The following POLD4 variants were observed in gnomAD, a reference collection of about 807,000 sequenced individuals.
POLD4 encodes the protein DNA polymerase delta 4, accessory subunit, also known as DNA polymerase delta subunit 4.
POLD4 carries 9 observed loss-of-function variants against 16.5 expected under a neutral mutation model. The observed-to-expected ratio is 0.55, with a 90% confidence interval of 0.33 to 0.95. The LOEUF is 0.95. Ranked by LOEUF, POLD4 falls within the 40% of genes least tolerant of loss-of-function variation. The pLI is 0.03. For missense variants in POLD4, 129 were observed against 139.7 expected (o/e 0.92, Z 0.39); for synonymous variants, 62 against 57.6 (o/e 1.08, Z -0.35).
intron 3 of POLD4, chr11:67,352,458 C>T (rs1201702940): frequency 4.4e-6 from 2 of 450,514 alleles, no homozygotes; most frequent in Non-Finnish European, 8.0e-6. Flanking sequence ...TGCAGTGAGC[C>T]GAGATCGCGC....
chr11:67,353,143 T>A, intron 1 of POLD4, 66 bp from the exon 2 acceptor site: 2 of 1,513,380 alleles, frequency 1.3e-6, no homozygotes, highest in Non-Finnish European at 1.8e-6. Flanking sequence ...CTCCCAGCCT[T>A]CCTCACCACC....
At chr11:67,352,886 C>G in intron 2 of POLD4, 84 bp from the exon 3 acceptor site, 1 of 1,372,174 alleles carries the variant, frequency 7.3e-7, no homozygotes, top group Non-Finnish European at 1.0e-6. Flanking sequence ...TGGGGGGAGA[C>G]AGTTCCTGAG....
intron 1 of POLD4, 44 bp from the exon 2 acceptor site, chr11:67,353,121 C>T (rs754055454): frequency 1.9e-5 from 29 of 1,541,770 alleles, no homozygotes; most frequent in Non-Finnish European, 2.5e-5. Flanking sequence ...GCTTCAGTCT[C>T]CTGCCCCTCA....
chr11:67,352,050 C>A, intron 3 of POLD4, 31 bp from the exon 4 acceptor site: 2 of 1,259,164 alleles, frequency 1.6e-6, no homozygotes, highest in Middle Eastern at 2.1e-4. Context: ...GGGAGGGATA[C>A]CCCAGAGAGA....
intron 2 of POLD4, 26 bp from the exon 3 acceptor site, chr11:67,352,828 G>T: frequency 6.4e-7 from 1 of 1,573,842 alleles, no homozygotes. Context: ...GAAGACTCTG[G>T]AGACTTGTGG....
chr11:67,352,884 G>T, intron 2 of POLD4, 82 bp from the exon 3 acceptor site: 1 of 1,355,602 alleles, frequency 7.4e-7, no homozygotes, highest in Non-Finnish European at 1.0e-6. Flanking sequence ...GTTGGGGGGA[G>T]ACAGTTCCTG....
rs58088599 is a variant in POLD4, at chr11:67,351,231, G to A, written c.*764C>T. The A allele has an allele frequency of 3.9e-5, 6 of 152,342 alleles. No individual in the cohort carries two copies. The East Asian group carries it at 1.2e-3, about 29-fold the overall frequency. 9.4% of individuals were successfully genotyped at this position (152,342 alleles called of 1,614,324 possible). Reference sequence around the variant, plus strand: ...TGGACTTCATGAGCTATGGACCCCAGGGGTCCTTCTCTGGCAAAGCACCCA... The same window carrying A: ...TGGACTTCATGAGCTATGGACCCCAAGGGTCCTTCTCTGGCAAAGCACCCA... On this transcript the variant is annotated 3_prime_UTR_variant, in exon 4 of 4. Transcript: ENST00000312419. This position sits in a 1 kb window ranked among gnomAD's most constrained non-coding sequence, Gnocchi z 4.8.
intron 3 of POLD4, chr11:67,352,295 G>C (rs1861884713): frequency 9.8e-6 from 4 of 408,342 alleles, no homozygotes. Context: ...GGGATCACGA[G>C]GTCAGGAGAT....
Position 67,351,843 on chromosome 11 carries a change from G to A in POLD4, c.*152C>T. On this transcript the variant is annotated 3_prime_UTR_variant, in exon 4 of 4. Transcript: ENST00000312419. This position sits in a 1 kb window ranked among gnomAD's most constrained non-coding sequence, Gnocchi z 4.8. ...TCTGGGAGCCTGCTGGTTAGATGGA[G>A]GAGTTGAGCCTCTGACACCTCCAGG... is the stretch of plus-strand genomic sequence containing the variant. 4.1e-6 allele frequency: 3 copies of A among 726,966 alleles called. No homozygotes were observed. Among genetic ancestry groups the A allele is most frequent in the East Asian group, 2.8e-5 (1 of 36,036 alleles). 45.0% of individuals were successfully genotyped at this position (726,966 alleles called of 1,614,324 possible).
Position 67,353,077 on chromosome 11 carries a change from C to G in POLD4, c.98G>C (p.Gly33Ala). 1 of 1,581,730 alleles carries G rather than the reference C, an allele frequency of 6.3e-7. No individual in the cohort carries two copies. The highest frequency in any genetic ancestry group is 8.6e-7 in the Non-Finnish European group (1 of 1,164,022). ...CTCGTCGCGGGGCTGGGGCTCCTCCCCTGCAATGACAGCTGCTCTTCAGTA... is the reference window on the plus strand; with the variant it reads ...CTCGTCGCGGGGCTGGGGCTCCTCCGCTGCAATGACAGCTGCTCTTCAGTA... The part of the protein sequence containing the change: ...HSKGELAPEL[G>A]EEPQPRDEEE... The change falls in exon 2 of 4, where the codon GGG (glycine) becomes GCG (alanine). Residue 33 changes from glycine to alanine, a missense_variant and splice_region_variant. Coordinates refer to ENST00000312419, the MANE Select transcript of POLD4 (RefSeq NM_021173.5).
intron 1 of POLD4, 112 bp downstream of exon 1, chr11:67,353,191 G>T: frequency 6.6e-7 from 1 of 1,505,854 alleles, no homozygotes; most frequent in Non-Finnish European, 9.1e-7. Context: ...ACCTGGTGTC[G>T]GGAGGGGAGG....
At chr11:67,352,110 C>T (rs962723065) in intron 3 of POLD4, 91 bp from the exon 4 acceptor site, 1 of 1,086,714 alleles carries the variant, frequency 9.2e-7, no homozygotes, top group Non-Finnish European at 1.4e-6. Context: ...TCTGATTTCA[C>T]CAGCTTATTC....
At chr11:67,352,126 C>G in intron 3 of POLD4, 107 bp from the exon 4 acceptor site, 1 of 944,618 alleles carries the variant, frequency 1.1e-6, no homozygotes, top group South Asian at 1.5e-5. Flanking sequence ...TATTCTTGGC[C>G]ATGCCCATAG....
Position 67,353,003 on chromosome 11 carries a change from AC to A in POLD4, c.171del (p.Gln57HisfsTer32). Reference sequence around the variant, plus strand: ...GGGTTCTCACCGGTGCAGGGCCCGTACTGCCAGGCCAGGTCAAACTGCCTCA... The same window carrying A: ...GGGTTCTCACCGGTGCAGGGCCCGTATGCCAGGCCAGGTCAAACTGCCTCA... ...ELLRQFDLAW[Q>X]YGPCTGITRL... is the part of the protein sequence containing the mutation. On this transcript the variant is annotated frameshift_variant, in exon 2 of 4. Coordinates refer to ENST00000312419, the MANE Select transcript of POLD4 (RefSeq NM_021173.5). LOFTEE classifies it high-confidence loss of function. The A allele has an allele frequency of 6.3e-7, 1 of 1,580,214 alleles. No individual in the cohort carries two copies.
rs781685267 is a variant in POLD4 at position 67,352,020 on chromosome 11, CTG to C, written c.300-3_300-2del. 2.2e-4 allele frequency: 129 copies of C among 584,772 alleles called. No individual in the cohort carries two copies. The highest frequency in any genetic ancestry group is 3.8e-4 in the Non-Finnish European group (128 of 341,106). The allele number at this position is 584,772 out of a possible 1,614,324, so 36.2% of individuals were successfully genotyped here. ...TCATAGGGGATAGAGATGCCAGAGACTGTGGAAGATGGGGTGGGAGGGAGGGA... is the reference window on the plus strand; with the variant it reads ...TCATAGGGGATAGAGATGCCAGAGACTGGAAGATGGGGTGGGAGGGAGGGA... On this transcript the variant is annotated splice_acceptor_variant and splice_polypyrimidine_tract_variant and intron_variant, in intron 3 of 3. Coordinates refer to ENST00000312419, the MANE Select transcript of POLD4 (RefSeq NM_021173.5). LOFTEE classifies it high-confidence loss of function.
At chr11:67,353,591 A>G, upstream of POLD4, 1 of 584,572 alleles carries the variant, frequency 1.7e-6, no homozygotes, top group Non-Finnish European at 3.0e-6. Context: ...CACCCCCAAA[A>G]GCACGCAAAC....
chr11:67,352,674 C>T lies in POLD4; in HGVS notation c.299+17G>A, dbSNP rs776494044. ...AGGCCCTGGCTCCCCTGAAAGCCCT[C>T]CCGGCCTGTCTCTGACCTGCACTGG... On this transcript the variant is annotated intron_variant, in intron 3 of 3. Coordinates refer to ENST00000312419, the MANE Select transcript of POLD4 (RefSeq NM_021173.5). The T allele has an allele frequency of 6.2e-7, 1 of 1,606,178 alleles. No individual in the cohort carries two copies. The highest frequency in any genetic ancestry group is 8.5e-7 in the Non-Finnish European group (1 of 1,174,848).
In POLD4 at chr11:67,353,517, A is replaced by T. The variant is rs1025378868; in HGVS notation, c.-118T>A. 2 of 843,488 alleles carry T rather than the reference A, an allele frequency of 2.4e-6. No individual in the cohort carries two copies. Among genetic ancestry groups the T allele is most frequent in the Non-Finnish European group, 3.6e-6 (2 of 551,378 alleles). 52.3% of individuals were successfully genotyped at this position (843,488 alleles called of 1,614,324 possible). A position where few individuals can be genotyped will look rare whatever the true frequency, so the allele number is the denominator to read the frequency against. ...AGACGGGGCCAGGCCAGCGGCGGGC[A>T]GACAAGATGACCCAGACAAACCGAG... On this transcript the variant is annotated 5_prime_UTR_variant, in exon 1 of 4. Transcript: ENST00000312419.
Position 67,353,460 on chromosome 11 carries a change from TGGG to T in POLD4, c.-64_-62del. The stretch of plus-strand genomic sequence containing the variant: ...GCGGGGAAGAGGAGAGACCGGCCAG[TGGG>T]CGCGAGAAAGACAGCTGCTGAGAGA... On this transcript the variant is annotated 5_prime_UTR_variant, in exon 1 of 4. Coordinates refer to ENST00000312419, the MANE Select transcript of POLD4 (RefSeq NM_021173.5). 6.9e-7 allele frequency: 1 copy of T among 1,452,296 alleles called. No homozygotes were observed. Among genetic ancestry groups the T allele is most frequent in the Non-Finnish European group, 9.5e-7 (1 of 1,056,192 alleles). 90.0% of individuals were successfully genotyped at this position (1,452,296 alleles called of 1,614,324 possible).
Sources: allele counts gnomAD v4.1 joint callset, GRCh38; gene constraint gnomAD v4.1.1; non-coding constraint Gnocchi (gnomAD v3.1); transcripts MANE v1.5; gene names NCBI Gene and HGNC (gene_info 2026-07-23, HGNC 2026-07-21).